The following KNTC1 variants were observed in gnomAD, a reference collection of about 807,000 sequenced individuals.
KNTC1 encodes kinetochore associated 1.
Under a neutral mutation model 314.4 loss-of-function variants are expected in KNTC1, and 253 were observed. The observed-to-expected ratio is 0.80, with a 90% CI of 0.73 to 0.89. The LOEUF (loss-of-function observed/expected upper bound fraction) is 0.89. Among genes scored for constraint, KNTC1 ranks in the 40% least tolerant of loss-of-function variants. KNTC1 has a pLI of 0.00. For missense variants in KNTC1, 2,475 were observed against 2,572.9 expected (o/e 0.96, Z 0.82); for synonymous variants, 901 against 901.4 (o/e 1.00, Z 0.01).
At chr12:122,584,490 G>A in intron 35 of KNTC1, 40 bp downstream of exon 35, 3 of 1,472,492 alleles carry the variant, frequency 2.0e-6, no homozygotes, top group Non-Finnish European at 2.8e-6. Flanking sequence ...ATATTCTCTG[G>A]TTCATGTCAT....
At chr12:122,610,701 T>G in intron 52 of KNTC1, 121 bp from the exon 53 acceptor site, 1 of 644,608 alleles carries the variant, frequency 1.6e-6, no homozygotes, top group South Asian at 1.9e-5. Context: ...ATTGACCCAT[T>G]ATCCTTCTGA....
chr12:122,596,088 T>TTC (rs1247217629), intron 43 of KNTC1, among the ~76,000 whole-genome samples: 3 of 148,288 alleles, frequency 2.0e-5, no homozygotes, highest in Admixed American at 2.0e-4. Context: ...TCTTTTTTTT[T>TTC]TTTTTTTTTT....
intron 40 of KNTC1, among the ~76,000 whole-genome samples, chr12:122,589,776 ATTTTTTT>A (rs375169727): frequency 7.4e-5 from 7 of 94,594 alleles, no homozygotes; most frequent in African/African-American, 2.2e-4. Flanking sequence ...GGGCCCCCCA[ATTTTTTT>A]TTTTTTTTTT....
chr12:122,598,328 T>G (rs560709115), intron 44 of KNTC1, among the ~76,000 whole-genome samples: 2 of 152,310 alleles, frequency 1.3e-5, no homozygotes, highest in South Asian at 4.1e-4. Flanking sequence ...ATGGTCATTA[T>G]ATGTCATTAC....
In KNTC1 at chr12:122,604,871, T is replaced by C. The variant is rs1872404928; in HGVS notation, c.5176-6T>C. The C allele has an allele frequency of 1.3e-6, 2 of 1,593,164 alleles. No individual in the cohort carries two copies. Among genetic ancestry groups the C allele is most frequent in the African/African-American group, 2.7e-5 (2 of 74,686 alleles). On this transcript the variant is annotated splice_region_variant and splice_polypyrimidine_tract_variant and intron_variant, in intron 49 of 63. Coordinates refer to ENST00000333479, the MANE Select transcript of KNTC1 (RefSeq NM_014708.6). ...GATTTTCTTTTTGCTTGGAATTGTT[T>C]AAAAGGACGAAAAACGTGAAAAAGC...
Position 122,551,349 on chromosome 12 carries a change from A to G in KNTC1, c.1117A>G (p.Lys373Glu), listed in dbSNP as rs1250894440. 1.9e-6 allele frequency: 3 copies of G among 1,594,526 alleles called. No individual in the cohort carries two copies. The highest frequency in any genetic ancestry group is 2.6e-6 in the Non-Finnish European group (3 of 1,166,066). ...DTIYLLEGVCKNDPKLSEDSV... is the reference protein window; with the variant it reads ...DTIYLLEGVCENDPKLSEDSV... ...CATATACCTTTTAGAAGGAGTTTGCAAAAATGATCCAAAGTAGGTCATGTT... is the reference window on the plus strand; with the variant it reads ...CATATACCTTTTAGAAGGAGTTTGCGAAAATGATCCAAAGTAGGTCATGTT... Residue 373 changes from lysine (K) to glutamate (E), a missense_variant, in exon 14 of 64, where the codon AAA (lysine) becomes GAA (glutamate). Lys to Glu is a moderately conservative substitution (Grantham distance 56). Transcript: ENST00000333479.
rs867656659 is a variant in KNTC1 at position 122,596,545 on chromosome 12, C to A, written c.4356-1186C>A. ...TTTTTTTATCTTTAAAAAAAAAAAA[C>A]AAAACAGCTTTTTGGCCAGGTATGG... On this transcript the variant is annotated intron_variant, in intron 43 of 63. Coordinates refer to ENST00000333479, the MANE Select transcript of KNTC1 (RefSeq NM_014708.6). Among the ~76,000 whole-genome samples the A allele has an allele frequency of 3.1e-3, 454 of 147,524 alleles. 1 individual carries two copies. Among genetic ancestry groups the A allele is most frequent in the Non-Finnish European group, 4.8e-3 (322 of 66,956 alleles).
Position 122,603,250 on chromosome 12 carries a change from G to C in KNTC1, c.5101+7G>C, listed in dbSNP as rs1436817525. 2 of 1,533,066 alleles carry C rather than the reference G, an allele frequency of 1.3e-6. No homozygotes were observed. The highest frequency in any genetic ancestry group is 2.8e-5 in the African/African-American group (2 of 70,894). The allele number at this position is 1,533,066 out of a possible 1,614,324, so 95.0% of individuals were successfully genotyped here. ...GCCCAGGATATCCCTGAAGGTATGA[G>C]CTCTTCTTTTAAAATTGTAGTTAAA... On this transcript the variant is annotated splice_region_variant and intron_variant, in intron 48 of 63. Coordinates refer to ENST00000333479, the MANE Select transcript of KNTC1 (RefSeq NM_014708.6).
intron 55 of KNTC1, 86 bp downstream of exon 55, chr12:122,613,847 T>C (rs542757161): frequency 1.5e-6 from 2 of 1,366,910 alleles, no homozygotes; most frequent in Middle Eastern, 1.9e-4. Context: ...CTTTTTGTTG[T>C]TGTTGTTGTT....
intron 55 of KNTC1, among the ~76,000 whole-genome samples, 166 bp from the exon 56 acceptor site, chr12:122,614,825 G>T (rs1367535222): frequency 6.6e-6 from 1 of 151,496 alleles, no homozygotes; most frequent in East Asian, 1.9e-4. Flanking sequence ...AGGTTGTGGC[G>T]AGCTGAGATC....
chr12:122,601,008 A>G (rs1372240490), intron 44 of KNTC1, among the ~76,000 whole-genome samples: 1 of 152,066 alleles, frequency 6.6e-6, no homozygotes, highest in East Asian at 1.9e-4. Flanking sequence ...AGCCTTTGAT[A>G]CCTTTTTTTA....
intron 37 of KNTC1, among the ~76,000 whole-genome samples, chr12:122,586,181 C>G (rs1404844882): frequency 1.3e-5 from 2 of 152,216 alleles, no homozygotes; most frequent in African/African-American, 2.4e-5. Context: ...CTCCTGGGTT[C>G]AAGCAATTAT....
intron 5 of KNTC1, 127 bp from the exon 6 acceptor site, chr12:122,541,923 G>A (rs376569233): frequency 1.1e-5 from 9 of 791,314 alleles, no homozygotes; most frequent in South Asian, 6.4e-5. Context: ...GGAGGCTGAG[G>A]CAGGAGAATT....
chr12:122,543,301 A>G (rs552143864), intron 6 of KNTC1, among the ~76,000 whole-genome samples: 2 of 152,352 alleles, frequency 1.3e-5, no homozygotes, highest in South Asian at 2.1e-4. Context: ...CCATAGCTTC[A>G]TGATGGAGCT....
At chr12:122,553,424 G>A (rs1565948493) in intron 16 of KNTC1, among the ~76,000 whole-genome samples, 3 of 152,094 alleles carry the variant, frequency 2.0e-5, no homozygotes, top group Non-Finnish European at 2.9e-5. Context: ...GGAGGCTGAG[G>A]GAGGAAGATT....
At chr12:122,563,022 T>A (rs7136555) in intron 20 of KNTC1, among the ~76,000 whole-genome samples, 1,622 of 117,508 alleles carry the variant, frequency 0.014, 28 homozygotes, top group African/African-American at 0.041. Context: ...AAAAAAAAAA[T>A]TTTTTTTTTT....
chr12:122,560,463 C>G (rs971497303), intron 18 of KNTC1, among the ~76,000 whole-genome samples: 14 of 152,130 alleles, frequency 9.2e-5, no homozygotes, highest in Non-Finnish European at 1.6e-4. Context: ...CTGCCCACCC[C>G]CCAGGCTCAA....
chr12:122,595,767 C>A (rs894387071), intron 43 of KNTC1, among the ~76,000 whole-genome samples: 1 of 152,204 alleles, frequency 6.6e-6, no homozygotes, highest in African/African-American at 2.4e-5. Context: ...CTAGATTCTT[C>A]TGTGATGTTT....
In KNTC1 at chr12:122,610,819, C is replaced by T; in HGVS notation, c.5544-3C>T. 6.2e-7 allele frequency: 1 copy of T among 1,601,790 alleles called. No individual in the cohort carries two copies. The highest frequency in any genetic ancestry group is 1.7e-5 in the Admixed American group (1 of 58,318). Reference sequence around the variant, plus strand: ...ATGACTGTAATTAAAATTTTTTTTCCAGAGTGCAGTATCTCCTCCTGTCTC... The same window carrying T: ...ATGACTGTAATTAAAATTTTTTTTCTAGAGTGCAGTATCTCCTCCTGTCTC... On this transcript the variant is annotated splice_region_variant and splice_polypyrimidine_tract_variant and intron_variant, in intron 52 of 63. Transcript: ENST00000333479.
Sources: gnomAD v4.1 joint callset for allele counts (sites outside exome capture counted in the v4.1 genomes callset) on GRCh38, gnomAD v4.1.1 for gene constraint, MANE v1.5 for transcripts, NCBI Gene and HGNC (gene_info 2026-07-23, HGNC 2026-07-21) for gene names.